CYB5R4: variants seen among roughly 807,000 people sequenced by gnomAD.
CYB5R4 encodes the protein N-terminal cytochrome b5 and cytochrome b5 oxidoreductase domain-containing protein.
Under a neutral mutation model 70.2 loss-of-function variants are expected in CYB5R4, and 55 were observed. The observed-to-expected ratio is 0.78, with a 90% CI of 0.63 to 0.98. CYB5R4 has a LOEUF of 0.98. Ranked by LOEUF, CYB5R4 falls within the 50% of genes least tolerant of loss-of-function variation. CYB5R4 has a pLI of 0.00. For missense variants in CYB5R4, 562 were observed against 612.6 expected, an observed-to-expected ratio of 0.92 and a Z score of 0.87; for synonymous variants, 197 against 199.5, an observed-to-expected ratio of 0.99 and a Z score of 0.11.
At chr6:83,900,110 T>A (rs1280172694) in intron 3 of CYB5R4, among the ~76,000 whole-genome samples, 1 of 152,148 alleles carries the variant, frequency 6.6e-6, no homozygotes, top group African/African-American at 2.4e-5. Context: ...ATTTAGTGCT[T>A]TAAGTTTCCC....
chr6:83,871,493 C>T (rs1418647725), intron 2 of CYB5R4, among the ~76,000 whole-genome samples: 1 of 152,012 alleles, frequency 6.6e-6, no homozygotes, highest in African/African-American at 2.4e-5. Context: ...TCTCTCTGTA[C>T]TTCTCTCCCA....
chr6:83,863,333 C>T (rs931000688), intron 1 of CYB5R4, among the ~76,000 whole-genome samples: 14 of 152,090 alleles, frequency 9.2e-5, no homozygotes, highest in African/African-American at 3.4e-4. Context: ...GAAACAGGTA[C>T]AGGCCATAGT....
In CYB5R4 at chr6:83,892,841, CCT is replaced by C. The variant is rs143031785; in HGVS notation, c.230-662_230-661del. Among the ~76,000 whole-genome samples, 1,009 of 143,406 alleles carry C rather than the reference CCT, an allele frequency of 7.0e-3. 6 individuals are homozygous for C. The highest frequency in any genetic ancestry group is 0.017 in the African/African-American group (666 of 38,974). 94.1% of individuals were successfully genotyped at this position (143,406 alleles called of 152,430 possible). ...AGTAGTCACTTTCTCTCTCTCTCTT[CCT>C]CTCTCTCTCTCTCTCTCTGTGTGCG... On this transcript the variant is annotated intron_variant, in intron 2 of 15. Transcript: ENST00000369681.
At chr6:83,949,275 G>A (rs1169743082) in intron 14 of CYB5R4, among the ~76,000 whole-genome samples, 1 of 151,998 alleles carries the variant, frequency 6.6e-6, no homozygotes, top group African/African-American at 2.4e-5. Flanking sequence ...CTTATTGATT[G>A]CATTTGCTAG....
At chr6:83,913,393 C>CT (rs1478471867) in intron 4 of CYB5R4, among the ~76,000 whole-genome samples, 1 of 152,096 alleles carries the variant, frequency 6.6e-6, no homozygotes, top group Admixed American at 6.5e-5. Flanking sequence ...CTAATTTTGG[C>CT]TTTTTTACTG....
chr6:83,900,476 A>G (rs931072130), intron 3 of CYB5R4, among the ~76,000 whole-genome samples: 12 of 152,154 alleles, frequency 7.9e-5, no homozygotes, highest in African/African-American at 2.2e-4. Flanking sequence ...GTAGCTGTCT[A>G]TTAGGTCCAC....
intron 2 of CYB5R4, among the ~76,000 whole-genome samples, chr6:83,887,109 A>G (rs1042116643): frequency 6.6e-6 from 1 of 152,204 alleles, no homozygotes; most frequent in Non-Finnish European, 1.5e-5. Flanking sequence ...TCAAGAGAGA[A>G]AGAATTCTTT....
At chr6:83,941,672 C>A (rs1386209340) in intron 14 of CYB5R4, among the ~76,000 whole-genome samples, 1 of 152,106 alleles carries the variant, frequency 6.6e-6, no homozygotes, top group Non-Finnish European at 1.5e-5. Flanking sequence ...AAATGACTTT[C>A]AAAATTAAGG....
intron 10 of CYB5R4, among the ~76,000 whole-genome samples, chr6:83,925,674 A>G (rs2099467168): frequency 6.6e-6 from 1 of 152,144 alleles, no homozygotes; most frequent in African/African-American, 2.4e-5. Flanking sequence ...CATGCTGGGT[A>G]TACATTTTTT....
chr6:83,957,539 C>T (rs545263940), intron 15 of CYB5R4, among the ~76,000 whole-genome samples: 3 of 143,098 alleles, frequency 2.1e-5, no homozygotes, highest in Non-Finnish European at 3.0e-5. Context: ...GAGGATCGCT[C>T]GAATCTAGGA....
chr6:83,905,380 G>A (rs964641435), intron 3 of CYB5R4, among the ~76,000 whole-genome samples: 1 of 152,172 alleles, frequency 6.6e-6, no homozygotes, highest in Non-Finnish European at 1.5e-5. Flanking sequence ...TCATATGGGA[G>A]AAATTTTTCC....
intron 10 of CYB5R4, 39 bp downstream of exon 10, chr6:83,924,631 T>C: frequency 1.2e-6 from 2 of 1,600,568 alleles, no homozygotes; most frequent in Non-Finnish European, 8.5e-7. Flanking sequence ...TTCACATTCA[T>C]GAAATTGTTG....
intron 2 of CYB5R4, among the ~76,000 whole-genome samples, chr6:83,888,409 C>T (rs997682016): frequency 3.9e-5 from 6 of 152,132 alleles, no homozygotes; most frequent in Non-Finnish European, 8.8e-5. Context: ...ACCATTTTCC[C>T]AAGAGCATGT....
At chr6:83,911,644 AC>A (rs1221620776) in intron 4 of CYB5R4, among the ~76,000 whole-genome samples, 1 of 152,066 alleles carries the variant, frequency 6.6e-6, no homozygotes, top group Non-Finnish European at 1.5e-5. Flanking sequence ...CTAAAATACT[AC>A]TTCTTCTATA....
At chr6:83,862,128 G>T (rs1186082) in intron 1 of CYB5R4, among the ~76,000 whole-genome samples, 6 of 152,178 alleles carry the variant, frequency 3.9e-5, no homozygotes, top group Admixed American at 3.9e-4. Flanking sequence ...CATTTTATAG[G>T]ATTGTTCATA....
In CYB5R4 at chr6:83,963,279, T is replaced by C. The variant is rs1334403928; in HGVS notation, c.*3401T>C. On this transcript the variant is annotated 3_prime_UTR_variant, in exon 16 of 16. Coordinates refer to ENST00000369681, the MANE Select transcript of CYB5R4 (RefSeq NM_016230.4). ...TATGGGCCCTCAGTTTTTACCTTAA[T>C]GTAACAGAACATGAGAGGAGCTTTG... The C allele has an allele frequency of 6.6e-6, 1 of 152,148 alleles. No individual in the cohort carries two copies. Among genetic ancestry groups the C allele is most frequent in the East Asian group, 1.9e-4 (1 of 5,174 alleles). The allele number at this position is 152,148 out of a possible 1,614,324, so 9.4% of individuals were successfully genotyped here. A position where few individuals can be genotyped will look rare whatever the true frequency, so the allele number is the denominator to read the frequency against.
intron 3 of CYB5R4, among the ~76,000 whole-genome samples, chr6:83,897,994 T>A (rs2099462196): frequency 6.6e-6 from 1 of 152,226 alleles, no homozygotes; most frequent in African/African-American, 2.4e-5. Context: ...TGGTATTGCC[T>A]AGGTTTTCTT....
At chr6:83,900,417 G>C (rs771871172) in intron 3 of CYB5R4, among the ~76,000 whole-genome samples, 1 of 152,180 alleles carries the variant, frequency 6.6e-6, no homozygotes, top group Non-Finnish European at 1.5e-5. Flanking sequence ...TAAGTGCGGT[G>C]TGGTGCTGAG....
chr6:83,881,781 G>T (rs2099459477), intron 2 of CYB5R4, among the ~76,000 whole-genome samples: 1 of 152,140 alleles, frequency 6.6e-6, no homozygotes, highest in Non-Finnish European at 1.5e-5. Flanking sequence ...TTCAGCATGT[G>T]GGAGACAAAT....
Sources: allele counts gnomAD v4.1 joint callset (sites outside exome capture counted in the v4.1 genomes callset), GRCh38; gene constraint gnomAD v4.1.1; transcripts MANE v1.5; gene names NCBI Gene and HGNC (gene_info 2026-07-23, HGNC 2026-07-21).